Variants in CACNG5 observed in about 807,000 individuals in gnomAD.
The protein encoded by CACNG5 is calcium voltage-gated channel auxiliary subunit gamma 5.
In CACNG5, 18 loss-of-function variants were observed where a neutral mutation model predicts 24.8. The ratio of observed to expected loss-of-function variants is 0.73; its 90% confidence interval spans 0.50 to 1.08. The LOEUF is 1.08. Among genes scored for constraint, CACNG5 ranks in the 50% least tolerant of loss-of-function variants. The pLI, the probability that CACNG5 is intolerant of heterozygous loss-of-function variation, is 0.00. For missense variants in CACNG5, 349 were observed against 367.9 expected, an observed-to-expected ratio of 0.95 and a Z score of 0.42; for synonymous variants, 157 against 149.1, an observed-to-expected ratio of 1.05 and a Z score of -0.39.
intron 3 of CACNG5, among the ~76,000 whole-genome samples, chr17:66,879,708 A>G (rs947336222): frequency 2.6e-5 from 4 of 152,194 alleles, no homozygotes; most frequent in African/African-American, 7.2e-5. Context: ...TCTTCTCTCC[A>G]TGGAATCAGG....
intron 1 of CACNG5, 56 bp from the exon 2 acceptor site, chr17:66,877,174 T>C (rs970976912): frequency 2.4e-5 from 15 of 614,642 alleles, no homozygotes; most frequent in African/African-American, 3.7e-5. Flanking sequence ...TACCCATCCA[T>C]TGAGCCAGGT....
rs1363126394 is a variant in CACNG5 at position 66,890,860 on chromosome 17, G to A, written c.*5620G>A. ...AAAATGCAACCAAGCTCAAGTAGTA[G>A]ACTCCTCCCAGCCCCTGCCTCCTGA... On this transcript the variant is annotated 3_prime_UTR_variant, in exon 6 of 6. Coordinates refer to ENST00000533854, the MANE Select transcript of CACNG5 (RefSeq NM_145811.3). 1.3e-5 allele frequency among the ~76,000 whole-genome samples: 2 copies of A among 152,192 alleles called. No homozygotes were observed. Among genetic ancestry groups the A allele is most frequent in the East Asian group, 3.9e-4 (2 of 5,194 alleles).
chr17:66,856,217 T>C (rs1399866572), intron 1 of CACNG5, among the ~76,000 whole-genome samples: 1 of 152,208 alleles, frequency 6.6e-6, no homozygotes, highest in East Asian at 1.9e-4. Flanking sequence ...CCAAGAGAGA[T>C]GAAAATGCTT....
In CACNG5 at chr17:66,885,417, A is replaced by C; in HGVS notation, c.*177A>C. The C allele has an allele frequency of 1.4e-6, 1 of 734,146 alleles. No homozygotes were observed. Among genetic ancestry groups the C allele is most frequent in the South Asian group, 2.1e-5 (1 of 47,094 alleles). The allele number at this position is 734,146 out of a possible 1,614,324, so 45.5% of individuals were successfully genotyped here. On this transcript the variant is annotated 3_prime_UTR_variant, in exon 6 of 6. Coordinates refer to ENST00000533854, the MANE Select transcript of CACNG5 (RefSeq NM_145811.3). ...CCAGAAGGGCTCTAACTGCCCCAGC[A>C]TGGGTGTGGGAGTCTGGAGTCTGTG...
At chr17:66,880,776 C>T in intron 4 of CACNG5, 79 bp downstream of exon 4, 1 of 1,522,332 alleles carries the variant, frequency 6.6e-7, no homozygotes, top group Non-Finnish European at 9.0e-7. Flanking sequence ...GAGTCTTGCT[C>T]TGGCACCCAC....
At position 66,888,574 on chromosome 17, in the gene CACNG5, A is replaced by C. The variant is rs1023396356; in HGVS notation, c.*3334A>C. Among the ~76,000 whole-genome samples the C allele has an allele frequency of 4.6e-5, 7 of 151,072 alleles. No homozygotes were observed. Among genetic ancestry groups the C allele is most frequent in the African/African-American group, 1.7e-4 (7 of 41,078 alleles). ...AAAAAAAAAAAAAAAAAAGAGTTAA[A>C]GAAAGAGGAAAGAACCATGAAAAGT... On this transcript the variant is annotated 3_prime_UTR_variant, in exon 6 of 6. Transcript: ENST00000533854.
chr17:66,885,096 A>C lies in CACNG5; in HGVS notation c.684A>C (p.Ser228=). 1.2e-6 allele frequency: 2 copies of C among 1,614,190 alleles called. No homozygotes were observed. Among genetic ancestry groups the C allele is most frequent in the Non-Finnish European group, 1.7e-6 (2 of 1,180,028 alleles). Residue 228 remains serine, a synonymous_variant, in exon 6 of 6, where the codon TCA becomes TCC. Coordinates refer to ENST00000533854, the MANE Select transcript of CACNG5 (RefSeq NM_145811.3). The part of the protein sequence containing the change: ...RPRLSNCSDY[S]GQFLHPDAWV... Reference sequence around the variant, plus strand: ...GGCTGAGCAACTGCTCCGATTACTCAGGCCAGTTCCTACACCCAGACGCCT... The same window carrying C: ...GGCTGAGCAACTGCTCCGATTACTCCGGCCAGTTCCTACACCCAGACGCCT...
chr17:66,877,421 C>G lies in CACNG5; in HGVS notation c.89C>G (p.Thr30Ser). 1 of 1,614,124 alleles carries G rather than the reference C, an allele frequency of 6.2e-7. No homozygotes were observed. The highest frequency in any genetic ancestry group is 8.5e-7 in the Non-Finnish European group (1 of 1,180,000). The change falls in exon 2 of 6, where the codon ACC becomes AGC. Residue 30 changes from threonine (T) to serine (S), a missense_variant. By Grantham distance (58) the Thr-to-Ser change is moderately conservative. Coordinates refer to ENST00000533854, the MANE Select transcript of CACNG5 (RefSeq NM_145811.3). ...GLGLLGIAVS[T>S]DYWLYLEEGV... ...GGCCTCCTGGGTATCGCGGTCAGCA[C>G]CGACTACTGGCTGTACCTGGAGGAG...
rs989107847 is a variant in CACNG5, at chr17:66,888,855, A to G, written c.*3615A>G. Reference sequence around the variant, plus strand: ...GCTGGCATGTCTCTGGTTGGGGAAGAGTTTGGAATGTTTCTGGTCAGAGAT... The same window carrying G: ...GCTGGCATGTCTCTGGTTGGGGAAGGGTTTGGAATGTTTCTGGTCAGAGAT... On this transcript the variant is annotated 3_prime_UTR_variant, in exon 6 of 6. Coordinates refer to ENST00000533854, the MANE Select transcript of CACNG5 (RefSeq NM_145811.3). Among the ~76,000 whole-genome samples, 1 of 151,944 alleles carries G rather than the reference A, an allele frequency of 6.6e-6. No homozygotes were observed. Among genetic ancestry groups the G allele is most frequent in the Non-Finnish European group, 1.5e-5 (1 of 67,990 alleles).
chr17:66,884,940 G>A (rs1187899664), intron 5 of CACNG5, 43 bp from the exon 6 acceptor site: 1 of 1,613,954 alleles, frequency 6.2e-7, no homozygotes, highest in Non-Finnish European at 8.5e-7. Flanking sequence ...AGATGAGGCA[G>A]GCCCCAGCAG....
At chr17:66,837,600 AACCTAGCCATCTG>A in intron 1 of CACNG5, among the ~76,000 whole-genome samples, 1 of 152,200 alleles carries the variant, frequency 6.6e-6, no homozygotes, top group Non-Finnish European at 1.5e-5. Flanking sequence ...TGTTCCCCCA[AACCTAGCCATCTG>A]ATGCTTAATA....
At chr17:66,853,535 A>T (rs1976733244) in intron 1 of CACNG5, among the ~76,000 whole-genome samples, 3 of 152,200 alleles carry the variant, frequency 2.0e-5, no homozygotes, top group African/African-American at 7.2e-5. Context: ...AATTTTAGCC[A>T]TTCTAGTATG....
chr17:66,851,324 C>G (rs1057007522), intron 1 of CACNG5, among the ~76,000 whole-genome samples: 3 of 152,178 alleles, frequency 2.0e-5, no homozygotes, highest in African/African-American at 7.2e-5. Context: ...AATCCAAAAC[C>G]ACTTTCCAGA....
chr17:66,888,779 A>C lies in CACNG5; in HGVS notation c.*3539A>C, dbSNP rs1977300905. On this transcript the variant is annotated 3_prime_UTR_variant, in exon 6 of 6. Coordinates refer to ENST00000533854, the MANE Select transcript of CACNG5 (RefSeq NM_145811.3). ...GTTGGAAAGTCTCTGGTCAGAGAAG[A>C]GGTTATCTTGGGGCTGACATCTCTC... Among the ~76,000 whole-genome samples, 1 of 151,614 alleles carries C rather than the reference A, an allele frequency of 6.6e-6. No homozygotes were observed. Among genetic ancestry groups the C allele is most frequent in the Non-Finnish European group, 1.5e-5 (1 of 67,964 alleles).
At chr17:66,841,356 G>T (rs1457704291) in intron 1 of CACNG5, among the ~76,000 whole-genome samples, 1 of 152,234 alleles carries the variant, frequency 6.6e-6, no homozygotes, top group Non-Finnish European at 1.5e-5. Flanking sequence ...AGGCAAGTTT[G>T]CCTTAAGCAG....
Position 66,835,149 on chromosome 17 carries a change from G to A in CACNG5, c.-205G>A, listed in dbSNP as rs1329111781. 1 of 152,186 alleles carries A rather than the reference G, an allele frequency of 6.6e-6. No homozygotes were observed. Among genetic ancestry groups the A allele is most frequent in the Non-Finnish European group, 1.5e-5 (1 of 68,034 alleles). The allele number at this position is 152,186 out of a possible 1,614,324, so 9.4% of individuals were successfully genotyped here. A position where few individuals can be genotyped will look rare whatever the true frequency, so the allele number is the denominator to read the frequency against. ...CCGAGCGGTTCCGGCTGACTGGACG[G>A]GGCGGGCGTCCCGGGCAGCCTAGCG... is the stretch of plus-strand genomic sequence containing the variant. On this transcript the variant is annotated 5_prime_UTR_variant, in exon 1 of 6. Coordinates refer to ENST00000533854, the MANE Select transcript of CACNG5 (RefSeq NM_145811.3).
At chr17:66,845,470 A>AC (rs1000090500) in intron 1 of CACNG5, among the ~76,000 whole-genome samples, 9 of 151,566 alleles carry the variant, frequency 5.9e-5, no homozygotes, top group East Asian at 3.9e-4. Context: ...TTAAAAAAAA[A>AC]AAACAAAAAA....
intron 1 of CACNG5, among the ~76,000 whole-genome samples, chr17:66,866,645 G>T (rs941819697): frequency 6.6e-6 from 1 of 152,004 alleles, no homozygotes; most frequent in Non-Finnish European, 1.5e-5. Context: ...ACAGGCCCTG[G>T]TGTGTGTTTT....
chr17:66,877,269 C>A lies in CACNG5; in HGVS notation c.-64C>A. ...CCACCTGCTCACCCACTCTCCCTAGCCCCAGAGCGCAGTCCGTGCTGGTGG... is the reference window on the plus strand; with the variant it reads ...CCACCTGCTCACCCACTCTCCCTAGACCCAGAGCGCAGTCCGTGCTGGTGG... On this transcript the variant is annotated 5_prime_UTR_variant, in exon 2 of 6. Coordinates refer to ENST00000533854, the MANE Select transcript of CACNG5 (RefSeq NM_145811.3). The A allele has an allele frequency of 7.0e-7, 1 of 1,421,606 alleles. No homozygotes were observed. The highest frequency in any genetic ancestry group is 1.2e-5 in the South Asian group (1 of 80,160). The allele number at this position is 1,421,606 out of a possible 1,614,324, so 88.1% of individuals were successfully genotyped here. A position where few individuals can be genotyped will look rare whatever the true frequency, so the allele number is the denominator to read the frequency against.
Sources: allele counts gnomAD v4.1 joint callset (sites outside exome capture counted in the v4.1 genomes callset), GRCh38; gene constraint gnomAD v4.1.1; transcripts MANE v1.5; gene names NCBI Gene and HGNC (gene_info 2026-07-23, HGNC 2026-07-21).